The following GSE1 variants were observed in gnomAD, a reference collection of about 807,000 sequenced individuals.
The protein encoded by GSE1 is Gse1 coiled-coil protein, also known as genetic suppressor element 1.
In GSE1, 32 loss-of-function variants were observed where a neutral mutation model predicts 112.6. The ratio of observed to expected loss-of-function variants is 0.28; its 90% CI spans 0.21 to 0.38. GSE1 has a LOEUF of 0.38. Among genes scored for constraint, GSE1 ranks in the 10% least tolerant of loss-of-function variants. GSE1 has a pLI of 1.00. For synonymous variants in GSE1, 1,115 were observed against 735.6 expected (o/e 1.52, Z -8.35); for missense variants, 2,348 against 1,699.2 (o/e 1.38, Z -6.71).
intron 2 of GSE1, among the ~76,000 whole-genome samples, chr16:85,509,463 A>T (rs2051660000): frequency 6.6e-6 from 1 of 152,258 alleles, no homozygotes; most frequent in African/African-American, 2.4e-5. Context: ...AGGCCCTCCC[A>T]GCCAGCTCCA....
intron 1 of GSE1, among the ~76,000 whole-genome samples, chr16:85,302,047 G>A (rs2045541161): frequency 6.6e-6 from 1 of 152,134 alleles, no homozygotes; most frequent in Admixed American, 6.5e-5. Flanking sequence ...TCCCTCCCCG[G>A]CTGAGCTGCA....
chr16:85,297,468 C>T (rs2045399895), intron 1 of GSE1, among the ~76,000 whole-genome samples: 1 of 152,090 alleles, frequency 6.6e-6, no homozygotes, highest in Non-Finnish European at 1.5e-5. Context: ...GATGGGTTGC[C>T]CCTGTCATGA....
intron 2 of GSE1, among the ~76,000 whole-genome samples, chr16:85,520,846 G>C (rs553963030): frequency 5.3e-5 from 8 of 152,272 alleles, no homozygotes; most frequent in African/African-American, 1.4e-4. Context: ...GACCAGCCTG[G>C]GGGGAAGGAG....
intron 1 of GSE1, among the ~76,000 whole-genome samples, chr16:85,194,391 T>A (rs1449184087): frequency 6.6e-6 from 1 of 152,148 alleles, no homozygotes; most frequent in Non-Finnish European, 1.5e-5. Context: ...GACTATTTCT[T>A]CTAGATGTGC....
chr16:85,510,936 C>A (rs1420179342), intron 2 of GSE1, among the ~76,000 whole-genome samples: 1 of 152,242 alleles, frequency 6.6e-6, no homozygotes, highest in Non-Finnish European at 1.5e-5. Flanking sequence ...CTTGACCACT[C>A]TGTCAAAAAC....
chr16:85,247,480 G>A (rs1469444184), intron 1 of GSE1, among the ~76,000 whole-genome samples: 1 of 152,202 alleles, frequency 6.6e-6, no homozygotes, highest in Non-Finnish European at 1.5e-5. Flanking sequence ...GAGCCAGAGA[G>A]GAGGACGGGA....
chr16:85,298,909 G>A (rs866629134), intron 1 of GSE1, among the ~76,000 whole-genome samples: 1 of 152,162 alleles, frequency 6.6e-6, no homozygotes, highest in South Asian at 2.1e-4. Context: ...GCTGGTGGAC[G>A]GGCTTTCTCC....
Position 85,499,600 on chromosome 16 carries a change from C to T in GSE1, c.2465-134314C>T, listed in dbSNP as rs142261522. ...GGATTACAGGCGTGAGCCACCACAC[C>T]CAGCAGAAAGTCGTCTTTAAGAATG... On this transcript the variant is annotated intron_variant, in intron 2 of 2. Transcript: ENST00000637419. Among the ~76,000 whole-genome samples the T allele has an allele frequency of 5.9e-3, 903 of 152,262 alleles. 5 individuals are homozygous for T. Among genetic ancestry groups the T allele is most frequent in the African/African-American group, 0.021 (876 of 41,524 alleles).
intron 2 of GSE1, among the ~76,000 whole-genome samples, chr16:85,478,851 C>CTTTCTT (rs1463137656): frequency 9.3e-5 from 1 of 10,730 alleles, no homozygotes; most frequent in African/African-American, 4.9e-4. Flanking sequence ...TTCTTTCTTT[C>CTTTCTT]TTTCTTTCTT....
intron 2 of GSE1, among the ~76,000 whole-genome samples, chr16:85,499,415 A>C (rs896959945): frequency 1.4e-5 from 2 of 140,522 alleles, no homozygotes; most frequent in African/African-American, 5.3e-5. Context: ...GGTTCACACC[A>C]TTCTCCTGCC....
chr16:85,477,877 A>G (rs1332131213), intron 2 of GSE1, among the ~76,000 whole-genome samples: 1 of 151,832 alleles, frequency 6.6e-6, no homozygotes, highest in East Asian at 1.9e-4. Context: ...TTGTTTTTTC[A>G]AACAGCTTTA....
intron 1 of GSE1, among the ~76,000 whole-genome samples, chr16:85,200,296 A>C (rs1334385053): frequency 6.6e-6 from 1 of 150,592 alleles, no homozygotes; most frequent in Non-Finnish European, 1.5e-5. Context: ...CCTATCTCCC[A>C]CGGCAGGTGG....
At chr16:85,216,259 C>G (rs1332889032) in intron 1 of GSE1, among the ~76,000 whole-genome samples, 4 of 152,194 alleles carry the variant, frequency 2.6e-5, no homozygotes, top group Non-Finnish European at 5.9e-5. Flanking sequence ...AAAAAATTAG[C>G]CAGGCATGGT....
chr16:85,651,690 T>A (rs1335397730), intron 3 of GSE1, among the ~76,000 whole-genome samples: 2 of 152,224 alleles, frequency 1.3e-5, no homozygotes, highest in African/African-American at 2.4e-5. Context: ...AGCCCTCTTC[T>A]GACTCTGGCC....
rs889928296 is a variant in GSE1 at position 85,577,211 on chromosome 16, C to T, written c.37+20848C>T. ...GGCAGGTCTTCTCCTCTGCGGTTCT[C>T]TTCATGGTAGGTGGTGGCTGATGCC... On this transcript the variant is annotated intron_variant, in intron 1 of 2. Transcript: ENST00000635906. Among the ~76,000 whole-genome samples, 5 of 152,192 alleles carry T rather than the reference C, an allele frequency of 3.3e-5. No individual in the cohort carries two copies. In the East Asian group the frequency reaches 9.6e-4, roughly 29 times the overall value.
At chr16:85,279,791 G>C (rs2044801947) in intron 1 of GSE1, among the ~76,000 whole-genome samples, 1 of 152,104 alleles carries the variant, frequency 6.6e-6, no homozygotes, top group South Asian at 2.1e-4. Flanking sequence ...GTCTTCACTT[G>C]AATTCTCAGG....
chr16:85,269,019 T>G (rs1290392286), intron 1 of GSE1, among the ~76,000 whole-genome samples: 7 of 148,954 alleles, frequency 4.7e-5, no homozygotes, highest in African/African-American at 1.7e-4. Flanking sequence ...ATCTGTGATG[T>G]CTTCTGAGTC....
chr16:85,661,209 ACCT>A lies in GSE1; in HGVS notation c.1706_1708del (p.Pro569del). On this transcript the variant is annotated inframe_deletion, in exon 9 of 16. Transcript: ENST00000253458. ...CTCCGCAGCACTTTGGGGGGCCACC[ACCT>A]CTGATTTCGCCCAAGCCCCAGCTCC... 1 of 1,606,678 alleles carries A rather than the reference ACCT, an allele frequency of 6.2e-7. No homozygotes were observed. The highest frequency in any genetic ancestry group is 8.5e-7 in the Non-Finnish European group (1 of 1,175,106).
At chr16:85,543,210 CAAAAA>C (rs527634392) in intron 2 of GSE1, among the ~76,000 whole-genome samples, 2 of 68,666 alleles carry the variant, frequency 2.9e-5, no homozygotes, top group Admixed American at 1.4e-4. Flanking sequence ...GACTCCATCT[CAAAAA>C]AAAAAAAAAA....
Sources: allele counts gnomAD v4.1 joint callset (sites outside exome capture counted in the v4.1 genomes callset), GRCh38; gene constraint gnomAD v4.1.1; transcripts MANE v1.5; gene names NCBI Gene and HGNC (gene_info 2026-07-23, HGNC 2026-07-21).